Variants in PITPNM1 observed in about 807,000 individuals in gnomAD.
PITPNM1 encodes the protein membrane-associated phosphatidylinositol transfer protein 1.
PITPNM1 carries 74 observed loss-of-function variants against 133.3 expected under a neutral mutation model. The ratio of observed to expected loss-of-function variants is 0.56; its 90% CI spans 0.46 to 0.67. The LOEUF (loss-of-function observed/expected upper bound fraction) is 0.67. Ranked by LOEUF, PITPNM1 falls within the 30% of genes least tolerant of loss-of-function variation. The pLI, the probability that PITPNM1 is intolerant of heterozygous loss-of-function variation, is 0.00. For synonymous variants in PITPNM1, 738 were observed against 741.4 expected (o/e 1.00, Z 0.08); for missense variants, 1,398 against 1,739.5 (o/e 0.80, Z 3.49).
chr11:67,502,028 G>T lies in PITPNM1; in HGVS notation c.474C>A (p.Asp158Glu). ...VAPGEYKAEE[D>E]PRLYHSVKTG... ...TCTTGACCGAGTGATAAAGCCGGGG[G>T]TCCTCTTCTGCTTTGTACTCGCCTG... Residue 158 changes from aspartate (D) to glutamate (E), a missense_variant, in exon 5 of 24, where the codon GAC (aspartate) becomes GAA (glutamate). Around this residue, in one of 5 missense-constraint regions of PITPNM1, gnomAD observed 274 missense variants for 360.7 expected, o/e 0.76. Transcript: ENST00000356404. This position sits in a 1 kb window ranked among gnomAD's most constrained non-coding sequence, Gnocchi z 5.9. The T allele has an allele frequency of 1.9e-6, 3 of 1,613,424 alleles. No homozygotes were observed. The highest frequency in any genetic ancestry group is 2.2e-5 in the South Asian group (2 of 91,080).
chr11:67,494,306 G>A lies in PITPNM1; in HGVS notation c.2797C>T (p.Gln933Ter), dbSNP rs1404681120. 2 of 1,612,032 alleles carry A rather than the reference G, an allele frequency of 1.2e-6. No individual in the cohort carries two copies. Among genetic ancestry groups the A allele is most frequent in the Non-Finnish European group, 1.7e-6 (2 of 1,179,620 alleles). ...SDTVVCEGRP[Q>*]VLSGRFMYGP... The stretch of plus-strand genomic sequence containing the variant: ...TACATGAAGCGCCCGCTTAGCACCT[G>A]GGGGCGGCCCTCGCACACCACCGTG... Residue 933 changes from glutamine to a stop codon, truncating the protein, a stop_gained, in exon 19 of 24, where the codon CAG (glutamine) becomes TAG (stop). Transcript: ENST00000356404. LOFTEE classifies it high-confidence loss of function.
In PITPNM1 at chr11:67,504,303, G is replaced by A. The variant is rs1866425193; in HGVS notation, c.-41-82C>T. 2 of 453,068 alleles carry A rather than the reference G, an allele frequency of 4.4e-6. No individual in the cohort carries two copies. Among genetic ancestry groups the A allele is most frequent in the Non-Finnish European group, 7.0e-6 (2 of 286,126 alleles). The allele number at this position is 453,068 out of a possible 1,614,324, so 28.1% of individuals were successfully genotyped here. ...CCTGCGCGCCGGCCGAGGGACTCAG[G>A]CCACGGGACCCCATGTCCGGGCCCG... On this transcript the variant is annotated intron_variant, in intron 1 of 23. Coordinates refer to ENST00000356404, the MANE Select transcript of PITPNM1 (RefSeq NM_004910.3). The surrounding 1 kb of genome is among the most constrained non-coding windows in gnomAD (Gnocchi z 5.4).
At chr11:67,497,189 C>A in intron 14 of PITPNM1, 42 bp downstream of exon 14, 1 of 1,500,266 alleles carries the variant, frequency 6.7e-7, no homozygotes. Flanking sequence ...AAGGAAGGGG[C>A]AGACAGAGAC....
chr11:67,495,790 A>T (rs1591056044), intron 15 of PITPNM1, among the ~76,000 whole-genome samples, 188 bp from the exon 16 acceptor site: 1 of 152,134 alleles, frequency 6.6e-6, no homozygotes, highest in African/African-American at 2.4e-5. Context: ...GCCTGTTGCC[A>T]CCGCCCCAAA....
chr11:67,495,906 C>T (rs1372204223), intron 15 of PITPNM1, among the ~76,000 whole-genome samples: 1 of 152,254 alleles, frequency 6.6e-6, no homozygotes, highest in Non-Finnish European at 1.5e-5. Flanking sequence ...GCAGCGCACA[C>T]ATGCTGGCTG....
intron 19 of PITPNM1, 65 bp downstream of exon 19, chr11:67,494,179 A>C (rs2134274445): frequency 6.3e-7 from 1 of 1,582,204 alleles, no homozygotes; most frequent in Non-Finnish European, 8.7e-7. Flanking sequence ...ACCAGGGACC[A>C]GGAGCTGTTC....
chr11:67,494,276 G>A lies in PITPNM1; in HGVS notation c.2827C>T (p.Pro943Ser), dbSNP rs2134275086. Residue 943 changes from proline (P) to serine (S), a missense_variant, in exon 19 of 24, where the codon CCC becomes TCC. This residue lies in a region of PITPNM1 where 233 missense variants were observed against 378.0 expected (regional missense o/e 0.62). Transcript: ENST00000356404. ...CCAGTGAGCGTGACGACGTCCAGGG[G>A]CCCGTACATGAAGCGCCCGCTTAGC... Reference protein sequence around the residue: ...QVLSGRFMYGPLDVVTLTGEK... With the variant: ...QVLSGRFMYGSLDVVTLTGEK... The A allele has an allele frequency of 6.2e-7, 1 of 1,612,610 alleles. No homozygotes were observed. Among genetic ancestry groups the A allele is most frequent in the Non-Finnish European group, 8.5e-7 (1 of 1,179,828 alleles).
In PITPNM1 at chr11:67,497,648, G is replaced by A; in HGVS notation, c.1814C>T (p.Pro605Leu). 4 of 1,611,104 alleles carry A rather than the reference G, an allele frequency of 2.5e-6. No individual in the cohort carries two copies. The highest frequency in any genetic ancestry group is 3.4e-6 in the Non-Finnish European group (4 of 1,179,368). Residue 605 changes from proline (P) to leucine (L), a missense_variant, in exon 13 of 24, where the codon CCA (proline) becomes CTA (leucine). Coordinates refer to ENST00000356404, the MANE Select transcript of PITPNM1 (RefSeq NM_004910.3). The part of the protein sequence containing the change: ...NNELLSPEFG[P>L]VRDPLADGVE... Reference sequence around the variant, plus strand: ...ACCATCTGCCAGGGGGTCCCGCACTGGGCCAAACTCCGGAGAGAGCAGCTC... The same window carrying A: ...ACCATCTGCCAGGGGGTCCCGCACTAGGCCAAACTCCGGAGAGAGCAGCTC...
At position 67,498,350 on chromosome 11, in the gene PITPNM1, G is replaced by A; in HGVS notation, c.1485-28C>T. On this transcript the variant is annotated intron_variant, in intron 10 of 23. Coordinates refer to ENST00000356404, the MANE Select transcript of PITPNM1 (RefSeq NM_004910.3). This position sits in a 1 kb window ranked among gnomAD's most constrained non-coding sequence, Gnocchi z 5.7. ...GTAGGAGGGGGAAATGTGCGTGGGT[G>A]AGGGGCTTCCAGACCCACTCCTGCC... The A allele has an allele frequency of 6.6e-7, 1 of 1,517,096 alleles. No individual in the cohort carries two copies. The highest frequency in any genetic ancestry group is 8.8e-7 in the Non-Finnish European group (1 of 1,133,042). The allele number at this position is 1,517,096 out of a possible 1,614,324, so 94.0% of individuals were successfully genotyped here.
rs1244288702 is a variant in PITPNM1, at chr11:67,493,479, G to A, written c.3273C>T (p.Ser1091=). The change falls in exon 22 of 24, where the codon TCC becomes TCT. Residue 1091 remains serine (S), a synonymous_variant. Coordinates refer to ENST00000356404, the MANE Select transcript of PITPNM1 (RefSeq NM_004910.3). ...SQHNFPHGVV[S]FCDGLTHDPL... is the part of the protein sequence containing the mutation. ...GGTCGTGGGTGAGGCCGTCGCAGAA[G>A]GAGACGACGCCGTGGGGGAAGTTGT... The A allele has an allele frequency of 2.5e-6, 4 of 1,604,974 alleles. No individual in the cohort carries two copies. Among genetic ancestry groups the A allele is most frequent in the Non-Finnish European group, 3.4e-6 (4 of 1,176,280 alleles).
intron 23 of PITPNM1, among the ~76,000 whole-genome samples, chr11:67,492,540 A>C (rs1865966147): frequency 6.6e-6 from 1 of 152,224 alleles, no homozygotes; most frequent in African/African-American, 2.4e-5. Flanking sequence ...TCTTAGAGGA[A>C]AAATAACAGC....
rs377011053 is a variant in PITPNM1, at chr11:67,500,415, C to T, written c.647G>A (p.Arg216His). 7 of 1,607,470 alleles carry T rather than the reference C, an allele frequency of 4.4e-6. No individual in the cohort carries two copies. Among genetic ancestry groups the T allele is most frequent in the African/African-American group, 1.3e-5 (1 of 74,922 alleles). Residue 216 changes from arginine (R) to histidine (H), a missense_variant, in exon 6 of 24, where the codon CGT becomes CAT. Transcript: ENST00000356404. ...GCGGTGGGCCCGCAGCATCACCCGA[C>T]GCAGACCTGCAGGTGCCCAGGCGTC... ...IEQFIHDVGL[R>H]RVMLRAHRQA... is the part of the protein sequence containing the mutation.
chr11:67,496,042 GA>G, intron 15 of PITPNM1, 135 bp downstream of exon 15: 1 of 866,604 alleles, frequency 1.2e-6, no homozygotes, highest in Non-Finnish European at 1.6e-6. Context: ...CCCCCAGGGG[GA>G]AGGAGCGCCT....
intron 16 of PITPNM1, 26 bp downstream of exon 16, chr11:67,495,412 T>C: frequency 6.8e-7 from 1 of 1,473,286 alleles, no homozygotes; most frequent in Non-Finnish European, 9.0e-7. Context: ...ACCCCCAGGC[T>C]GGACTGCCTA....
rs779135097 is a variant in PITPNM1 at position 67,499,988 on chromosome 11, A to C, written c.989T>G (p.Leu330Trp). 239 of 1,612,420 alleles carry C rather than the reference A, an allele frequency of 1.5e-4. No homozygotes were observed. The highest frequency in any genetic ancestry group is 2.0e-4 in the Non-Finnish European group (234 of 1,179,858). Residue 330 changes from leucine (L) to tryptophan (W), a missense_variant, in exon 7 of 24, where the codon TTG becomes TGG. Leu to Trp is a moderately conservative substitution (Grantham distance 61). Coordinates refer to ENST00000356404, the MANE Select transcript of PITPNM1 (RefSeq NM_004910.3). ...QHGGAVSPQS[L>W]SEWRMQNIAR... Reference sequence around the variant, plus strand: ...AATGTTCTGCATGCGCCACTCAGACAAGCTCTGGGGAGACACAGCCCCTGC... The same window carrying C: ...AATGTTCTGCATGCGCCACTCAGACCAGCTCTGGGGAGACACAGCCCCTGC...
chr11:67,503,533 G>A (rs1438631524), intron 2 of PITPNM1, among the ~76,000 whole-genome samples: 1 of 152,212 alleles, frequency 6.6e-6, no homozygotes, highest in Non-Finnish European at 1.5e-5. Context: ...CCCGAGGCGG[G>A]GTCCGGGCCC....
At chr11:67,493,112 T>C (rs780980160) in intron 22 of PITPNM1, 50 bp from the exon 23 acceptor site, 2 of 1,607,856 alleles carry the variant, frequency 1.2e-6, no homozygotes, top group Non-Finnish European at 1.7e-6. Context: ...GCCGTGCAGC[T>C]GGGGGCGGGG....
In PITPNM1 at chr11:67,497,956, C is replaced by A. The variant is rs151267105; in HGVS notation, c.1743G>T (p.Ala581=). 4 of 1,611,042 alleles carry A rather than the reference C, an allele frequency of 2.5e-6. No homozygotes were observed. Among genetic ancestry groups the A allele is most frequent in the Non-Finnish European group, 3.4e-6 (4 of 1,179,980 alleles). Residue 581 remains alanine, a synonymous_variant, in exon 12 of 24, where the codon GCG becomes GCT. Transcript: ENST00000356404. ...GGCTGCTGCCCCGACTCCCGGTGCC[C>A]GCGTTAGCACTGTGGCAGAGTGCAT... ...GFDALCHSAN[A]GTGSRGSSRR... is the part of the protein sequence containing the mutation.
intron 16 of PITPNM1, 75 bp from the exon 17 acceptor site, chr11:67,495,300 C>T (rs1317367725): frequency 6.7e-7 from 1 of 1,493,246 alleles, no homozygotes; most frequent in South Asian, 1.3e-5. Flanking sequence ...GTGCTCTTCC[C>T]TCCCCCCTTT....
Sources: gnomAD v4.1 joint callset for allele counts (sites outside exome capture counted in the v4.1 genomes callset) on GRCh38, gnomAD v4.1.1 for gene constraint, gnomAD v4.1.1 regional missense constraint, Gnocchi (gnomAD v3.1) non-coding constraint, MANE v1.5 for transcripts, NCBI Gene and HGNC (gene_info 2026-07-23, HGNC 2026-07-21) for gene names.